Variants in EDAR observed in about 807,000 individuals in gnomAD.
EDAR encodes the protein ectodysplasin A receptor, also known as tumor necrosis factor receptor superfamily member EDAR.
A neutral mutation model predicts 51.3 loss-of-function variants in EDAR; 38 were observed. That is an observed-to-expected ratio of 0.74 (90% confidence interval 0.57 to 0.97). EDAR has a LOEUF of 0.97. Ranked by LOEUF, EDAR falls within the 50% of genes least tolerant of loss-of-function variation. The pLI, the probability that EDAR is intolerant of heterozygous loss-of-function variation, is 0.00. For missense variants in EDAR, 528 were observed against 595.0 expected (o/e 0.89, Z 1.17); for synonymous variants, 227 against 242.1 (o/e 0.94, Z 0.58).
intron 1 of EDAR, among the ~76,000 whole-genome samples, chr2:108,978,578 T>G (rs1228670398): frequency 6.6e-6 from 1 of 152,178 alleles, no homozygotes; most frequent in Non-Finnish European, 1.5e-5. Flanking sequence ...GAAAAGTTTT[T>G]TTTTCTTGTT....
intron 1 of EDAR, among the ~76,000 whole-genome samples, chr2:108,966,773 G>A (rs1698156751): frequency 6.6e-6 from 1 of 152,200 alleles, no homozygotes; most frequent in Non-Finnish European, 1.5e-5. Context: ...TGCCAGCCCT[G>A]GAAGGGAGCA....
chr2:108,899,407 C>T (rs1696659808), intron 11 of EDAR, among the ~76,000 whole-genome samples: 1 of 152,110 alleles, frequency 6.6e-6, no homozygotes, highest in Non-Finnish European at 1.5e-5. Flanking sequence ...TTTTCACCAG[C>T]AGACCTATCC....
At chr2:108,954,099 T>G (rs1027827872) in intron 1 of EDAR, among the ~76,000 whole-genome samples, 2 of 152,148 alleles carry the variant, frequency 1.3e-5, no homozygotes, top group African/African-American at 4.8e-5. Context: ...GATAACCCAG[T>G]GAGGAAAAGT....
At chr2:108,966,255 C>T (rs260693) in intron 1 of EDAR, among the ~76,000 whole-genome samples, 9,989 of 152,238 alleles carry the variant, frequency 0.066, 429 homozygotes, top group Non-Finnish European at 0.088. Context: ...ACTCAAGTTC[C>T]GTCTTTGTCA....
At chr2:108,906,202 G>A in intron 11 of EDAR, 106 bp downstream of exon 11, 3 of 1,167,218 alleles carry the variant, frequency 2.6e-6, no homozygotes, top group Non-Finnish European at 3.9e-6. Context: ...GCAACTGGAT[G>A]GGCGGCTTCC....
chr2:108,972,928 A>T (rs1219712030), intron 1 of EDAR, among the ~76,000 whole-genome samples: 1 of 152,340 alleles, frequency 6.6e-6, no homozygotes, highest in East Asian at 1.9e-4. Context: ...CTGTGCTCCA[A>T]GTCCAAAGAA....
intron 1 of EDAR, among the ~76,000 whole-genome samples, chr2:108,963,050 C>A (rs193038585): frequency 2.0e-5 from 3 of 152,294 alleles, no homozygotes; most frequent in Non-Finnish European, 2.9e-5. Context: ...GGTGGCTCTG[C>A]GTCACTGAAG....
intron 1 of EDAR, among the ~76,000 whole-genome samples, chr2:108,947,159 C>T (rs1403212668): frequency 6.6e-6 from 1 of 152,228 alleles, no homozygotes; most frequent in Non-Finnish European, 1.5e-5. Flanking sequence ...CCTGGCCGGG[C>T]AGTCATTAAA....
At chr2:108,967,640 G>C (rs1260500967) in intron 1 of EDAR, among the ~76,000 whole-genome samples, 1 of 152,162 alleles carries the variant, frequency 6.6e-6, no homozygotes, top group Non-Finnish European at 1.5e-5. Flanking sequence ...GTCTTTGTAG[G>C]AAAATGTAAG....
chr2:108,953,656 G>A (rs1205258709), intron 1 of EDAR, among the ~76,000 whole-genome samples: 1 of 152,092 alleles, frequency 6.6e-6, no homozygotes, highest in Non-Finnish European at 1.5e-5. Flanking sequence ...CTAATTTGGT[G>A]CTGTCATTGT....
At chr2:108,930,003 C>G in intron 3 of EDAR, 117 bp downstream of exon 3, 7 of 1,295,780 alleles carry the variant, frequency 5.4e-6, no homozygotes, top group Non-Finnish European at 7.4e-6. Context: ...GCGTGACCGG[C>G]TGGTTTGATA....
chr2:108,929,469 A>G, intron 3 of EDAR, 90 bp from the exon 4 acceptor site: 1 of 1,364,606 alleles, frequency 7.3e-7, no homozygotes, highest in Non-Finnish European at 1.0e-6. Flanking sequence ...GTGACGTGCC[A>G]GCTGTCTCCA....
chr2:108,947,524 A>AT (rs375312762), intron 1 of EDAR, among the ~76,000 whole-genome samples: 118 of 152,260 alleles, frequency 7.7e-4, no homozygotes, highest in African/African-American at 2.7e-3. Flanking sequence ...ACATCCAGGC[A>AT]TTTTCATACA....
chr2:108,898,290 A>C (rs1356933011), intron 11 of EDAR, among the ~76,000 whole-genome samples: 1 of 152,092 alleles, frequency 6.6e-6, no homozygotes, highest in Non-Finnish European at 1.5e-5. Flanking sequence ...CCAGCTGGTA[A>C]AAACTCCTCT....
chr2:108,910,728 A>G, intron 8 of EDAR, 48 bp downstream of exon 8: 1 of 1,596,408 alleles, frequency 6.3e-7, no homozygotes, highest in Non-Finnish European at 8.6e-7. Context: ...CCCTCCACCC[A>G]GAGATGGGCA....
chr2:108,957,726 G>T (rs1697953652), intron 1 of EDAR, among the ~76,000 whole-genome samples: 1 of 152,248 alleles, frequency 6.6e-6, no homozygotes, highest in Admixed American at 6.5e-5. Context: ...TAGTGGAGGT[G>T]AGAAGCCTCA....
At chr2:108,914,494 A>G (rs546666599) in intron 5 of EDAR, among the ~76,000 whole-genome samples, 12 of 152,262 alleles carry the variant, frequency 7.9e-5, no homozygotes, top group African/African-American at 2.9e-4. Flanking sequence ...TTCTATGGAA[A>G]AAGTGTGACT....
rs866412087 is a variant in EDAR, at chr2:108,979,715, A to G, written c.-19+9245T>C. 2.6e-5 allele frequency among the ~76,000 whole-genome samples: 4 copies of G among 152,130 alleles called. No homozygotes were observed. The South Asian group carries it at 6.2e-4, about 24-fold the overall frequency. The stretch of plus-strand genomic sequence containing the variant: ...GAACTGCAGAGGAGAGGAGGGCTTG[A>G]GCAGGTCCAGGCAGCAGTAGCCAAC... On this transcript the variant is annotated intron_variant, in intron 1 of 11. Coordinates refer to ENST00000258443, the MANE Select transcript of EDAR (RefSeq NM_022336.4).
At chr2:108,930,324 G>A (rs13405749) in intron 2 of EDAR, 82 bp from the exon 3 acceptor site, 1 of 1,584,756 alleles carries the variant, frequency 6.3e-7, no homozygotes, top group African/African-American at 1.3e-5. Context: ...GGTTGACATA[G>A]GAAGGGGGTG....
Sources: allele counts gnomAD v4.1 joint callset (sites outside exome capture counted in the v4.1 genomes callset), GRCh38; gene constraint gnomAD v4.1.1; transcripts MANE v1.5; gene names NCBI Gene and HGNC (gene_info 2026-07-23, HGNC 2026-07-21).